LRBA: variants seen among roughly 807,000 people sequenced by gnomAD.
LRBA encodes the protein lipopolysaccharide-responsive and beige-like anchor protein.
LRBA carries 176 observed loss-of-function variants against 330.0 expected under a neutral mutation model. The ratio of observed to expected loss-of-function variants is 0.53; its 90% CI spans 0.47 to 0.60. LRBA has a LOEUF of 0.60. LRBA is among the 20% of genes least tolerant of loss of function. LRBA has a pLI of 0.00. For missense variants in LRBA, 3,259 were observed against 3,444.8 expected (o/e 0.95, Z 1.35); for synonymous variants, 1,230 against 1,193.0 (o/e 1.03, Z -0.64).
At chr4:150,719,886 C>A (rs1728703925) in intron 36 of LRBA, among the ~76,000 whole-genome samples, 1 of 152,084 alleles carries the variant, frequency 6.6e-6, no homozygotes, top group African/African-American at 2.4e-5. Context: ...GGAAATGATT[C>A]AAAGCCTAAG....
intron 53 of LRBA, among the ~76,000 whole-genome samples, chr4:150,301,940 G>GT (rs1455846831): frequency 6.6e-6 from 1 of 152,036 alleles, no homozygotes; most frequent in Non-Finnish European, 1.5e-5. Flanking sequence ...CCCTTTAATT[G>GT]TTTTTTCCTA....
intron 52 of LRBA, among the ~76,000 whole-genome samples, chr4:150,306,857 G>T (rs773649015): frequency 2.8e-4 from 43 of 152,164 alleles, no homozygotes; most frequent in Non-Finnish European, 4.7e-4. Flanking sequence ...AAAAAGCTAG[G>T]TCCAAGGCCT....
chr4:150,516,521 A>T (rs1762379385), intron 40 of LRBA, among the ~76,000 whole-genome samples: 1 of 152,030 alleles, frequency 6.6e-6, no homozygotes. Context: ...AAAGATCTGA[A>T]AAAGCTATTT....
intron 37 of LRBA, among the ~76,000 whole-genome samples, chr4:150,652,343 T>C (rs1251857479): frequency 1.3e-5 from 2 of 152,176 alleles, no homozygotes; most frequent in Non-Finnish European, 1.5e-5. Flanking sequence ...ATCATATACA[T>C]TCCTCTTTTA....
intron 30 of LRBA, among the ~76,000 whole-genome samples, chr4:150,821,628 A>G (rs1745455888): frequency 6.6e-6 from 1 of 152,128 alleles, no homozygotes; most frequent in Non-Finnish European, 1.5e-5. Flanking sequence ...AATATCACAA[A>G]CCCTCACACA....
chr4:150,520,052 C>T (rs143108509), intron 40 of LRBA, among the ~76,000 whole-genome samples: 2,033 of 152,150 alleles, frequency 0.013, 37 homozygotes, highest in Non-Finnish European at 0.016. Context: ...TATTGATTTG[C>T]TAATATTTAG....
intron 40 of LRBA, among the ~76,000 whole-genome samples, chr4:150,504,479 T>C (rs1324200140): frequency 2.0e-5 from 3 of 152,216 alleles, no homozygotes; most frequent in African/African-American, 2.4e-5. Context: ...CAGAATTTCA[T>C]ATCCAGCCAA....
intron 51 of LRBA, among the ~76,000 whole-genome samples, chr4:150,314,460 C>T: frequency 6.6e-6 from 1 of 152,094 alleles, no homozygotes; most frequent in East Asian, 1.9e-4. Flanking sequence ...AGTCTACCTG[C>T]TAATGGTAGC....
At chr4:150,665,354 A>AT (rs1781471254) in intron 37 of LRBA, among the ~76,000 whole-genome samples, 1 of 152,174 alleles carries the variant, frequency 6.6e-6, no homozygotes, top group African/African-American at 2.4e-5. Context: ...GCCACTCATC[A>AT]TTTATGTAAA....
intron 4 of LRBA, among the ~76,000 whole-genome samples, chr4:150,923,191 A>AG (rs1386770558): frequency 1.3e-5 from 2 of 151,560 alleles, no homozygotes; most frequent in Non-Finnish European, 2.9e-5. Flanking sequence ...AGTCAAAAAA[A>AG]AAAAAAAACA....
chr4:150,503,054 G>A (rs1416449287), intron 40 of LRBA, among the ~76,000 whole-genome samples: 1 of 152,220 alleles, frequency 6.6e-6, no homozygotes, highest in Non-Finnish European at 1.5e-5. Context: ...AAGCAGCCAG[G>A]AAGCTCGAAC....
intron 47 of LRBA, among the ~76,000 whole-genome samples, chr4:150,378,837 A>G (rs1741755354): frequency 1.3e-5 from 2 of 152,232 alleles, no homozygotes; most frequent in Non-Finnish European, 2.9e-5. Context: ...TACCTTAGCA[A>G]TCACTCAGGG....
intron 53 of LRBA, among the ~76,000 whole-genome samples, chr4:150,288,226 G>C (rs572205824): frequency 5.0e-4 from 76 of 152,090 alleles, no homozygotes; most frequent in African/African-American, 1.7e-3. Context: ...TGATCCGCCT[G>C]CCTCGGCCTC....
intron 55 of LRBA, among the ~76,000 whole-genome samples, chr4:150,278,978 C>A (rs112652561): frequency 6.6e-6 from 1 of 152,230 alleles, no homozygotes; most frequent in Middle Eastern, 3.4e-3. Context: ...GTGCCCACCA[C>A]AACACCCGTC....
chr4:150,960,894 AT>A (rs1738066344), intron 2 of LRBA, among the ~76,000 whole-genome samples: 1 of 149,486 alleles, frequency 6.7e-6, no homozygotes, highest in African/African-American at 2.6e-5. Context: ...TATTAAATAC[AT>A]ATAACACATT....
intron 8 of LRBA, 149 bp downstream of exon 8, chr4:150,915,459 T>A (rs1224399063): frequency 1.6e-6 from 1 of 637,592 alleles, no homozygotes; most frequent in Admixed American, 3.2e-5. Context: ...CATATTAAGT[T>A]CTATTAACAT....
chr4:151,011,325 G>A (rs768716695), intron 2 of LRBA, among the ~76,000 whole-genome samples: 6 of 152,180 alleles, frequency 3.9e-5, no homozygotes, highest in Admixed American at 2.0e-4. Context: ...TAGGCCAGGC[G>A]TGGTGGCTTA....
At chr4:150,691,844 A>G (rs186774721) in intron 36 of LRBA, among the ~76,000 whole-genome samples, 1 of 152,204 alleles carries the variant, frequency 6.6e-6, no homozygotes, top group African/African-American at 2.4e-5. Context: ...AATTCAACTT[A>G]GTATTTAAAA....
intron 37 of LRBA, among the ~76,000 whole-genome samples, chr4:150,608,622 G>A (rs1774915787): frequency 6.6e-6 from 1 of 152,134 alleles, no homozygotes; most frequent in African/African-American, 2.4e-5. Flanking sequence ...ACACCATAAT[G>A]CTCACCCGTT....
Sources: allele counts gnomAD v4.1 joint callset (sites outside exome capture counted in the v4.1 genomes callset), GRCh38; gene constraint gnomAD v4.1.1; transcripts MANE v1.5; gene names NCBI Gene and HGNC (gene_info 2026-07-23, HGNC 2026-07-21).